Variants in CREBBP observed in about 807,000 individuals in gnomAD.
CREBBP encodes CREB binding lysine acetyltransferase.
CREBBP carries 19 observed loss-of-function variants against 265.0 expected under a neutral mutation model. The ratio of observed to expected loss-of-function variants is 0.07; its 90% CI spans 0.05 to 0.11. The LOEUF is 0.11. Among genes scored for constraint, CREBBP ranks in the 10% least tolerant of loss-of-function variants. The pLI is 1.00. For missense variants in CREBBP, 2,525 were observed against 3,219.0 expected (o/e 0.78, Z 5.22); for synonymous variants, 1,457 against 1,223.7 (o/e 1.19, Z -3.98).
chr16:3,798,832 G>A (rs1014559031), intron 3 of CREBBP, among the ~76,000 whole-genome samples: 5 of 152,174 alleles, frequency 3.3e-5, no homozygotes, highest in Admixed American at 1.3e-4. Flanking sequence ...CCTATTTTAG[G>A]TATACAACCA....
chr16:3,873,183 T>A (rs2055335271), intron 1 of CREBBP, among the ~76,000 whole-genome samples: 1 of 152,198 alleles, frequency 6.6e-6, no homozygotes, highest in Admixed American at 6.5e-5. Flanking sequence ...CAGAATCACA[T>A]ACTTGTCTGC....
chr16:3,773,654 A>C, intron 13 of CREBBP, 97 bp downstream of exon 13: 1 of 1,325,878 alleles, frequency 7.5e-7, no homozygotes. Flanking sequence ...GCATTCTGGA[A>C]TTTTAATTTC....
chr16:3,830,333 C>T lies in CREBBP; in HGVS notation c.799-19554G>A, dbSNP rs187305233. Among the ~76,000 whole-genome samples the T allele has an allele frequency of 2.0e-3, 307 of 151,978 alleles. 1 individual carries two copies. The highest frequency in any genetic ancestry group is 3.5e-3 in the Non-Finnish European group (235 of 67,956). ...GGATCACCTCACCCGGGGTGGGGGG[C>T]AGAGGTTGCAGGGAGCCCAGACTGC... On this transcript the variant is annotated intron_variant, in intron 2 of 30. Transcript: ENST00000262367.
chr16:3,774,421 TA>T, intron 12 of CREBBP, 147 bp downstream of exon 12: 1 of 1,041,434 alleles, frequency 9.6e-7, no homozygotes, highest in East Asian at 2.5e-5. Context: ...ATAATTTTTT[TA>T]AAATGAGAGA....
chr16:3,768,162 T>TTTG, intron 15 of CREBBP, among the ~76,000 whole-genome samples: 2 of 128,176 alleles, frequency 1.6e-5, no homozygotes, highest in African/African-American at 6.6e-5. Flanking sequence ...TTTTTTTTTT[T>TTTG]TTTTTTTGAG....
intron 1 of CREBBP, among the ~76,000 whole-genome samples, chr16:3,852,944 T>A (rs576666213): frequency 6.6e-6 from 1 of 151,182 alleles, no homozygotes. Context: ...AATATGTTCA[T>A]CTTAGTATTA....
In CREBBP at chr16:3,728,138, C is replaced by A. The variant is rs1283163834; in HGVS notation, c.6909G>T (p.Gln2303His). 6.2e-7 allele frequency: 1 copy of A among 1,614,124 alleles called. No homozygotes were observed. The highest frequency in any genetic ancestry group is 2.2e-5 in the East Asian group (1 of 44,882). The change falls in exon 31 of 31, where the codon CAG becomes CAT. Residue 2303 changes from glutamine (Q) to histidine (H), a missense_variant. This residue lies in a region of CREBBP where 473 missense variants were observed against 459.3 expected (regional missense o/e 1.03). Coordinates refer to ENST00000262367, the MANE Select transcript of CREBBP (RefSeq NM_004380.3). The surrounding 1 kb of genome is among the most constrained non-coding windows in gnomAD (Gnocchi z 8.7). Reference sequence around the variant, plus strand: ...TCGGCTGGCCTGGGGACCCAATCTGCTGCTTCATCTGCTGTTGCTGCAGAA... The same window carrying A: ...TCGGCTGGCCTGGGGACCCAATCTGATGCTTCATCTGCTGTTGCTGCAGAA... ...QRILQQQQMK[Q>H]QIGSPGQPNP...
At chr16:3,751,623 G>A (rs1158329107) in intron 20 of CREBBP, 103 bp downstream of exon 20, 2 of 1,176,992 alleles carry the variant, frequency 1.7e-6, no homozygotes, top group Non-Finnish European at 2.5e-6. Context: ...TTGCAAGGAA[G>A]TCAAAATGGC....
At chr16:3,791,470 T>G (rs1196117557) in intron 5 of CREBBP, among the ~76,000 whole-genome samples, 1 of 152,136 alleles carries the variant, frequency 6.6e-6, no homozygotes, top group African/African-American at 2.4e-5. Context: ...TAGCTCCACG[T>G]AGAGGGAAAC....
chr16:3,773,540 C>G, intron 13 of CREBBP: 1 of 585,070 alleles, frequency 1.7e-6, no homozygotes, highest in Non-Finnish European at 3.0e-6. Context: ...CCCACTTTTG[C>G]ATATAGTTAA....
intron 19 of CREBBP, among the ~76,000 whole-genome samples, chr16:3,752,638 A>C (rs1215859044): frequency 1.3e-5 from 2 of 152,228 alleles, no homozygotes; most frequent in African/African-American, 4.8e-5. Context: ...CAATATATGT[A>C]AATCCATGAA....
At chr16:3,807,805 C>G (rs975342447) in intron 3 of CREBBP, among the ~76,000 whole-genome samples, 1 of 152,172 alleles carries the variant, frequency 6.6e-6, no homozygotes, top group Non-Finnish European at 1.5e-5. Context: ...TGTGCTGGTA[C>G]CCCACTTTCC....
chr16:3,846,947 T>C (rs1482903786), intron 2 of CREBBP, among the ~76,000 whole-genome samples: 1 of 152,242 alleles, frequency 6.6e-6, no homozygotes, highest in East Asian at 1.9e-4. Flanking sequence ...ACCATGTGCA[T>C]GTTTACTTTC....
chr16:3,862,624 T>C (rs1042088167), intron 1 of CREBBP, among the ~76,000 whole-genome samples: 6 of 152,214 alleles, frequency 3.9e-5, no homozygotes, highest in Admixed American at 3.3e-4. Context: ...AAGAAGTCCA[T>C]TCTTCATATA....
chr16:3,736,279 G>A (rs371754986), intron 27 of CREBBP, 76 bp from the exon 28 acceptor site: 31 of 1,458,118 alleles, frequency 2.1e-5, no homozygotes, highest in Middle Eastern at 1.8e-4. Flanking sequence ...AGACCCCCAC[G>A]CAAGCGTGCC....
chr16:3,858,503 G>C (rs1008259182), intron 1 of CREBBP, among the ~76,000 whole-genome samples: 1 of 152,124 alleles, frequency 6.6e-6, no homozygotes, highest in Non-Finnish European at 1.5e-5. Context: ...AACGTGCGTG[G>C]GGCTGTAAGC....
intron 2 of CREBBP, among the ~76,000 whole-genome samples, chr16:3,825,633 A>AT (rs1389415654): frequency 1.3e-5 from 2 of 152,102 alleles, no homozygotes; most frequent in Non-Finnish European, 2.9e-5. Context: ...GTTAGAAGGC[A>AT]TTTTTTATCA....
chr16:3,849,485 G>C (rs1186025582), intron 2 of CREBBP, among the ~76,000 whole-genome samples: 1 of 121,354 alleles, frequency 8.2e-6, no homozygotes. Context: ...GTGTGTGTGT[G>C]TGTGATGTGC....
intron 3 of CREBBP, among the ~76,000 whole-genome samples, chr16:3,797,555 C>G (rs564068940): frequency 5.6e-4 from 85 of 152,080 alleles, no homozygotes; most frequent in African/African-American, 2.0e-3. Context: ...TGAAATAGAA[C>G]CATTACTAAC....
Sources: allele counts gnomAD v4.1 joint callset (sites outside exome capture counted in the v4.1 genomes callset), GRCh38; gene constraint gnomAD v4.1.1; regional missense constraint gnomAD v4.1.1; non-coding constraint Gnocchi (gnomAD v3.1); transcripts MANE v1.5; gene names NCBI Gene and HGNC (gene_info 2026-07-23, HGNC 2026-07-21).